ACP6: variants seen among roughly 807,000 people sequenced by gnomAD.
ACP6 encodes the protein acid phosphatase 6, lysophosphatidic.
ACP6 carries 48 observed loss-of-function variants against 48.1 expected under a neutral mutation model. The observed-to-expected ratio is 1.00, with a 90% CI of 0.79 to 1.27. The LOEUF is 1.27. ACP6 is among the 50% of genes most tolerant of loss of function. ACP6 has a pLI of 0.00. For missense variants in ACP6, 485 were observed against 529.1 expected, an observed-to-expected ratio of 0.92 and a Z score of 0.82; for synonymous variants, 172 against 204.2, an observed-to-expected ratio of 0.84 and a Z score of 1.34.
At chr1:147,656,714 C>T (rs930432188) in intron 4 of ACP6, among the ~76,000 whole-genome samples, 22 of 152,158 alleles carry the variant, frequency 1.4e-4, no homozygotes, top group African/African-American at 4.8e-4. Context: ...AGGGTTACTA[C>T]AAGAATTAAA....
At chr1:147,636,154 G>A (rs1012157970) in intron 5 of ACP6, among the ~76,000 whole-genome samples, 6 of 152,200 alleles carry the variant, frequency 3.9e-5, no homozygotes, top group Non-Finnish European at 7.3e-5. Flanking sequence ...GCATGTGGGG[G>A]AAAGGGTGTA....
downstream of ACP6, among the ~76,000 whole-genome samples, chr1:147,639,277 A>ACTC (rs146686783): frequency 0.011 from 1,656 of 151,872 alleles, 34 homozygotes; most frequent in African/African-American, 0.038. Context: ...ATGTTACCTT[A>ACTC]CTCCTAGAAC....
chr1:147,641,673 AC>A (rs1303672917), downstream of ACP6, among the ~76,000 whole-genome samples: 3 of 152,128 alleles, frequency 2.0e-5, no homozygotes, highest in African/African-American at 7.2e-5. Context: ...AGCTTTTCAC[AC>A]CCTATTTTCC....
chr1:147,664,376 C>T (rs1236154788), intron 1 of ACP6, among the ~76,000 whole-genome samples: 1 of 152,282 alleles, frequency 6.6e-6, no homozygotes, highest in East Asian at 1.9e-4. Flanking sequence ...ATTTCATGGC[C>T]TTTCAGTATC....
At position 147,647,356 on chromosome 1, in the gene ACP6, CA is replaced by C; in HGVS notation, c.*66del. 6.4e-7 allele frequency: 1 copy of C among 1,568,842 alleles called. No homozygotes were observed. Among genetic ancestry groups the C allele is most frequent in the Non-Finnish European group, 8.7e-7 (1 of 1,150,308 alleles). On this transcript the variant is annotated 3_prime_UTR_variant, in exon 10 of 10. Transcript: ENST00000583509. Reference sequence around the variant, plus strand: ...TTGCTCTCTCCTCTTCCCAAACACACAAAGCAGGAGGCATTGTATAAAGGCA... The same window carrying C: ...TTGCTCTCTCCTCTTCCCAAACACACAAGCAGGAGGCATTGTATAAAGGCA...
intron 1 of ACP6, among the ~76,000 whole-genome samples, chr1:147,660,682 C>A (rs1434811282): frequency 6.6e-6 from 1 of 152,310 alleles, no homozygotes; most frequent in Non-Finnish European, 1.5e-5. Flanking sequence ...CTTTCACCTG[C>A]ACAATCCATC....
chr1:147,647,575 G>A lies in ACP6; in HGVS notation c.1144-9C>T. 6.2e-7 allele frequency: 1 copy of A among 1,610,874 alleles called. No homozygotes were observed. The highest frequency in any genetic ancestry group is 8.5e-7 in the Non-Finnish European group (1 of 1,179,670). On this transcript the variant is annotated splice_polypyrimidine_tract_variant and intron_variant, in intron 9 of 9. Transcript: ENST00000583509. ...CCTCTCGGCACCTGCTCCTGCAGAA[G>A]AAACATAACTCAGCAGGTCCGCCGA...
chr1:147,652,397 A>G (rs1659969609), intron 7 of ACP6, 52 bp downstream of exon 7: 12 of 1,546,194 alleles, frequency 7.8e-6, no homozygotes, highest in Non-Finnish European at 9.7e-6. Flanking sequence ...TTCCCCATAC[A>G]CTTGGATGTC....
chr1:147,638,086 T>A (rs1305255697), downstream of ACP6, among the ~76,000 whole-genome samples: 1 of 152,218 alleles, frequency 6.6e-6, no homozygotes, highest in Admixed American at 6.5e-5. Context: ...CCCTACTACA[T>A]GCCAGGTTAT....
At position 147,644,805 on chromosome 1, in the gene ACP6, C is replaced by G. The variant is rs75975824; in HGVS notation, c.*2618G>C. The stretch of plus-strand genomic sequence containing the variant: ...TGGAAGGAGTAAGTTTGAAAAGGCA[C>G]GGAAATTGAGAGTTTATTGTGGACA... On this transcript the variant is annotated 3_prime_UTR_variant, in exon 10 of 10. Transcript: ENST00000583509. 6.6e-6 allele frequency: 1 copy of G among 151,896 alleles called. No homozygotes were observed. Among genetic ancestry groups the G allele is most frequent in the South Asian group, 2.1e-4 (1 of 4,802 alleles). The allele number at this position is 151,896 out of a possible 1,614,324, so 9.4% of individuals were successfully genotyped here.
intron 1 of ACP6, among the ~76,000 whole-genome samples, chr1:147,661,574 A>C (rs1660548133): frequency 6.6e-6 from 1 of 152,122 alleles, no homozygotes; most frequent in Admixed American, 6.5e-5. Flanking sequence ...ATAACCCTAC[A>C]ATGGCCTCTA....
rs1028759016 is a variant in ACP6, at chr1:147,647,173, C to T, written c.*250G>A. The T allele has an allele frequency of 1.6e-5, 7 of 445,438 alleles. No individual in the cohort carries two copies. The highest frequency in any genetic ancestry group is 4.2e-5 in the East Asian group (1 of 24,002). 27.6% of individuals were successfully genotyped at this position (445,438 alleles called of 1,614,324 possible). On this transcript the variant is annotated 3_prime_UTR_variant, in exon 10 of 10. Transcript: ENST00000583509. ...CTACAGGGTCATGATGTCCCCAGCC[C>T]GTGTCACACAAAGATGCTTCTAACC... is the stretch of plus-strand genomic sequence containing the variant.
At chr1:147,636,339 T>G (rs1335604547) in intron 5 of ACP6, among the ~76,000 whole-genome samples, 1 of 152,030 alleles carries the variant, frequency 6.6e-6, no homozygotes, top group African/African-American at 2.4e-5. Context: ...TGGGAAGGAT[T>G]GAGGACACAA....
downstream of ACP6, among the ~76,000 whole-genome samples, chr1:147,637,437 T>G (rs980483451): frequency 5.9e-5 from 9 of 152,196 alleles, no homozygotes; most frequent in African/African-American, 2.2e-4. Flanking sequence ...AGTGCCCACA[T>G]AAATCAAATA....
intron 8 of ACP6, chr1:147,649,862 T>G (rs889591948): frequency 6.4e-6 from 3 of 467,892 alleles, no homozygotes; most frequent in African/African-American, 6.2e-5. Context: ...TCATATCAAA[T>G]CAGTGTGACA....
intron 3 of ACP6, 67 bp downstream of exon 3, chr1:147,659,329 G>A: frequency 6.4e-7 from 1 of 1,573,406 alleles, no homozygotes; most frequent in Admixed American, 1.8e-5. Flanking sequence ...ATCTTGGGGA[G>A]TCAGGACAGG....
chr1:147,639,445 A>T (rs1553208386), downstream of ACP6, among the ~76,000 whole-genome samples: 1 of 152,192 alleles, frequency 6.6e-6, no homozygotes, highest in African/African-American at 2.4e-5. Context: ...TAACAGCTCC[A>T]GGGACTGCTC....
intron 1 of ACP6, among the ~76,000 whole-genome samples, chr1:147,660,615 C>A (rs1387879792): frequency 6.6e-6 from 1 of 152,210 alleles, no homozygotes; most frequent in Non-Finnish European, 1.5e-5. Flanking sequence ...CCCAATGGTC[C>A]TTCCATTATC....
chr1:147,658,408 C>T (rs1553212057), intron 4 of ACP6, among the ~76,000 whole-genome samples: 1 of 152,170 alleles, frequency 6.6e-6, no homozygotes, highest in East Asian at 1.9e-4. Context: ...AGGCTCTCAA[C>T]ACATGGGATC....
Sources: allele counts gnomAD v4.1 joint callset (sites outside exome capture counted in the v4.1 genomes callset), GRCh38; gene constraint gnomAD v4.1.1; transcripts MANE v1.5; gene names NCBI Gene and HGNC (gene_info 2026-07-23, HGNC 2026-07-21).